Variants in ANKRD52 observed in about 807,000 individuals in gnomAD.
The protein encoded by ANKRD52 is serine/threonine-protein phosphatase 6 regulatory ankyrin repeat subunit C.
A neutral mutation model predicts 116.0 loss-of-function variants in ANKRD52; 7 were observed. The ratio of observed to expected loss-of-function variants is 0.06; its 90% confidence interval spans 0.03 to 0.11. ANKRD52 has a LOEUF of 0.11. ANKRD52 is among the 10% of genes least tolerant of loss of function. ANKRD52 has a pLI of 1.00. For synonymous variants in ANKRD52, 528 were observed against 578.1 expected (o/e 0.91, Z 1.24); for missense variants, 839 against 1,408.6 (o/e 0.60, Z 6.47).
Position 56,243,496 on chromosome 12 carries a change from G to A in ANKRD52, c.2981-104C>T. On this transcript the variant is annotated intron_variant, in intron 27 of 27. Coordinates refer to ENST00000267116, the MANE Select transcript of ANKRD52 (RefSeq NM_173595.4). The surrounding 1 kb of genome is among the most constrained non-coding windows in gnomAD (Gnocchi z 4.6). ...CTGTGGAGGGAGCCAAGGCAGGCAG[G>A]TACCCAGCAGCGGCAGAATCCAAGG... 6 of 1,449,560 alleles carry A rather than the reference G, an allele frequency of 4.1e-6. No individual in the cohort carries two copies. The highest frequency in any genetic ancestry group is 5.5e-6 in the Non-Finnish European group (6 of 1,084,338). 89.8% of individuals were successfully genotyped at this position (1,449,560 alleles called of 1,614,324 possible).
At position 56,239,242 on chromosome 12, in the gene ANKRD52, C is replaced by G. The variant is rs977665767; in HGVS notation, c.*3900G>C. On this transcript the variant is annotated 3_prime_UTR_variant, in exon 28 of 28. Coordinates refer to ENST00000267116, the MANE Select transcript of ANKRD52 (RefSeq NM_173595.4). Reference sequence around the variant, plus strand: ...GGGAGCCCCCAAGGCAGACCCTTCCCTCTCTACCTCCCGATTCCCAGACCA... The same window carrying G: ...GGGAGCCCCCAAGGCAGACCCTTCCGTCTCTACCTCCCGATTCCCAGACCA... 1 of 152,332 alleles carries G rather than the reference C, an allele frequency of 6.6e-6. No individual in the cohort carries two copies. The highest frequency in any genetic ancestry group is 1.5e-5 in the Non-Finnish European group (1 of 68,102). 9.4% of individuals were successfully genotyped at this position (152,332 alleles called of 1,614,324 possible).
intron 20 of ANKRD52, 50 bp from the exon 21 acceptor site, chr12:56,245,646 A>G: frequency 6.4e-7 from 1 of 1,557,482 alleles, no homozygotes; most frequent in Non-Finnish European, 8.7e-7. Context: ...CTCCTTTTCC[A>G]CTGGCCTGTT....
In ANKRD52 at chr12:56,255,749, A is replaced by G; in HGVS notation, c.462+35T>C. Reference sequence around the variant, plus strand: ...TGAGTAGGAAGGTAAGAAAAGGGAAAGCCCCAGCTGGGCCTGGATGGGAAC... The same window carrying G: ...TGAGTAGGAAGGTAAGAAAAGGGAAGGCCCCAGCTGGGCCTGGATGGGAAC... On this transcript the variant is annotated intron_variant, in intron 5 of 27. Transcript: ENST00000267116. The surrounding 1 kb of genome is among the most constrained non-coding windows in gnomAD (Gnocchi z 4.3). 1.3e-6 allele frequency: 2 copies of G among 1,523,640 alleles called. No individual in the cohort carries two copies. The highest frequency in any genetic ancestry group is 1.4e-5 in the African/African-American group (1 of 72,994). The allele number at this position is 1,523,640 out of a possible 1,614,324, so 94.4% of individuals were successfully genotyped here.
At position 56,257,860 on chromosome 12, in the gene ANKRD52, G is replaced by A; in HGVS notation, c.79C>T (p.Leu27=). 1 of 1,613,828 alleles carries A rather than the reference G, an allele frequency of 6.2e-7. No individual in the cohort carries two copies. The highest frequency in any genetic ancestry group is 8.5e-7 in the Non-Finnish European group (1 of 1,179,838). The change falls in exon 2 of 28, where the codon CTA becomes TTA. Residue 27 remains leucine (L), a synonymous_variant. Transcript: ENST00000267116. The part of the protein sequence containing the change: ...FSRDVEEVRS[L]LSQKENINVL... ...TTGATGTTCTCCTTCTGCGAGAGTA[G>A]GGAACGCACTTCCTCCACATCTCGG...
chr12:56,244,161 CT>C lies in ANKRD52; in HGVS notation c.2806-29del. Reference sequence around the variant, plus strand: ...GAGGGAGGGGAACAGAGAGTGGAGACTTGTGAAGTAGAAATGTGGCAGGGTG... The same window carrying C: ...GAGGGAGGGGAACAGAGAGTGGAGACTGTGAAGTAGAAATGTGGCAGGGTG... On this transcript the variant is annotated intron_variant, in intron 25 of 27. Coordinates refer to ENST00000267116, the MANE Select transcript of ANKRD52 (RefSeq NM_173595.4). This position sits in a 1 kb window ranked among gnomAD's most constrained non-coding sequence, Gnocchi z 4.9. The C allele has an allele frequency of 1.2e-6, 2 of 1,611,590 alleles. No individual in the cohort carries two copies. Among genetic ancestry groups the C allele is most frequent in the South Asian group, 2.2e-5 (2 of 91,026 alleles).
In ANKRD52 at chr12:56,244,502, C is replaced by T. The variant is rs1486109801; in HGVS notation, c.2723-67G>A. On this transcript the variant is annotated intron_variant, in intron 24 of 27. Coordinates refer to ENST00000267116, the MANE Select transcript of ANKRD52 (RefSeq NM_173595.4). This position sits in a 1 kb window ranked among gnomAD's most constrained non-coding sequence, Gnocchi z 4.9. ...GAGCAGTAGCCATCCTGGCTCTCCA[C>T]TTTGCATCCCGTCTGCAGATGGCGA... is the stretch of plus-strand genomic sequence containing the variant. 2 of 1,599,230 alleles carry T rather than the reference C, an allele frequency of 1.3e-6. No homozygotes were observed. Among genetic ancestry groups the T allele is most frequent in the Non-Finnish European group, 1.7e-6 (2 of 1,169,284 alleles).
In ANKRD52 at chr12:56,244,059, C is replaced by A; in HGVS notation, c.2880G>T (p.Ala960=). ...CTTCCCCAGGCACTCACATCTGCAG[C>A]GCACTGTTGGTAGCATTGATAAGGC... ...DLGLINATNS[A]LQMPLHIAAR... The change falls in exon 26 of 28, where the codon GCG becomes GCT. Residue 960 remains alanine, a synonymous_variant. Transcript: ENST00000267116. The surrounding 1 kb of genome is among the most constrained non-coding windows in gnomAD (Gnocchi z 4.9). The A allele has an allele frequency of 6.2e-7, 1 of 1,613,862 alleles. No homozygotes were observed. Among genetic ancestry groups the A allele is most frequent in the Non-Finnish European group, 8.5e-7 (1 of 1,179,866 alleles).
Position 56,252,518 on chromosome 12 carries a change from T to C in ANKRD52, c.1354A>G (p.Arg452Gly), listed in dbSNP as rs1465968840. Residue 452 changes from arginine (R) to glycine (G), a missense_variant, in exon 13 of 28, where the codon AGG (arginine) becomes GGG (glycine). Arg to Gly is a moderately radical substitution (Grantham distance 125). This residue lies in a region of ANKRD52 where 287 missense variants were observed against 598.1 expected (regional missense o/e 0.48). Transcript: ENST00000267116. The surrounding 1 kb of genome is among the most constrained non-coding windows in gnomAD (Gnocchi z 4.7). ...TTAGCATACCTGCCAAATTTGTCCC[T>C]CCTCCTCAAGTCAGCTCCACTGCTC... ...LLSSGADLRR[R>G]DKFGRTPLHY... 3 of 1,613,860 alleles carry C rather than the reference T, an allele frequency of 1.9e-6. No homozygotes were observed. In the Admixed American group the frequency reaches 5.0e-5, roughly 27 times the overall value.
At chr12:56,250,332 C>T (rs1871627724) in intron 15 of ANKRD52, among the ~76,000 whole-genome samples, 1 of 150,756 alleles carries the variant, frequency 6.6e-6, no homozygotes. Context: ...GCTGGAATTA[C>T]AGGCATGAGT....
intron 15 of ANKRD52, 92 bp downstream of exon 15, chr12:56,251,923 G>A: frequency 7.2e-7 from 1 of 1,385,368 alleles, no homozygotes; most frequent in Admixed American, 1.8e-5. Context: ...CAGCAGTATA[G>A]GGTAGAGGTT....
At position 56,243,420 on chromosome 12, in the gene ANKRD52, C is replaced by T. The variant is rs769932003; in HGVS notation, c.2981-28G>A. 26 of 1,609,020 alleles carry T rather than the reference C, an allele frequency of 1.6e-5. No homozygotes were observed. The highest frequency in any genetic ancestry group is 1.5e-5 in the Non-Finnish European group (18 of 1,177,414). Reference sequence around the variant, plus strand: ...GCAGGGCCAAGGGGGAGAACTGAGGCATAGAGTCCTGTATCCTAGCCAGCC... The same window carrying T: ...GCAGGGCCAAGGGGGAGAACTGAGGTATAGAGTCCTGTATCCTAGCCAGCC... On this transcript the variant is annotated intron_variant, in intron 27 of 27. Transcript: ENST00000267116. This position sits in a 1 kb window ranked among gnomAD's most constrained non-coding sequence, Gnocchi z 4.6.
Position 56,245,138 on chromosome 12 carries a change from C to T in ANKRD52, c.2457G>A (p.Leu819=). The T allele has an allele frequency of 5.0e-6, 8 of 1,613,978 alleles. No individual in the cohort carries two copies. Among genetic ancestry groups the T allele is most frequent in the Non-Finnish European group, 6.8e-6 (8 of 1,179,896 alleles). The change falls in exon 22 of 28, where the codon CTG becomes CTA. Residue 819 remains leucine, a synonymous_variant. Coordinates refer to ENST00000267116, the MANE Select transcript of ANKRD52 (RefSeq NM_173595.4). The stretch of plus-strand genomic sequence containing the variant: ...GCAAAGGAGTGAAGGGGTTTCCTTC[C>T]AGGTACGAAAACGGGCTGTGTTCAA... The part of the protein sequence containing the change: ...LLLEHSPFSY[L]EGNPFTPLHC...
chr12:56,253,212 C>A lies in ANKRD52; in HGVS notation c.1100+76G>T. The A allele has an allele frequency of 6.6e-7, 1 of 1,505,956 alleles. No homozygotes were observed. The highest frequency in any genetic ancestry group is 1.4e-5 in the African/African-American group (1 of 72,632). 93.3% of individuals were successfully genotyped at this position (1,505,956 alleles called of 1,614,324 possible). The stretch of plus-strand genomic sequence containing the variant: ...CCAAGGTGCCCTTTGGCAAGCTTAT[C>A]TGTGCCTCCATGGTTGATGTGAGCA... On this transcript the variant is annotated intron_variant, in intron 10 of 27. Coordinates refer to ENST00000267116, the MANE Select transcript of ANKRD52 (RefSeq NM_173595.4). This position sits in a 1 kb window ranked among gnomAD's most constrained non-coding sequence, Gnocchi z 5.5.
In ANKRD52 at chr12:56,240,415, T is replaced by C. The variant is rs938279854; in HGVS notation, c.*2727A>G. On this transcript the variant is annotated 3_prime_UTR_variant, in exon 28 of 28. Transcript: ENST00000267116. The surrounding 1 kb of genome is among the most constrained non-coding windows in gnomAD (Gnocchi z 4.2). ...CTGCTCCCAGGGTCCTCGCTTAAAA[T>C]AGGCCTTTTCACAAAAGTGCTTATT... 1.3e-5 allele frequency: 2 copies of C among 152,050 alleles called. No homozygotes were observed. The highest frequency in any genetic ancestry group is 1.3e-4 in the Admixed American group (2 of 15,262). The allele number at this position is 152,050 out of a possible 1,614,324, so 9.4% of individuals were successfully genotyped here. A position where few individuals can be genotyped will look rare whatever the true frequency, so the allele number is the denominator to read the frequency against.
In ANKRD52 at chr12:56,248,201, G is replaced by A. The variant is rs1871511056; in HGVS notation, c.1800C>T (p.Ala600=). 6.2e-7 allele frequency: 1 copy of A among 1,613,864 alleles called. No individual in the cohort carries two copies. The highest frequency in any genetic ancestry group is 1.3e-5 in the African/African-American group (1 of 75,056). ...CCAGCGTCTCCGCCAGCGTCTTCAAGGCTTCACAGTGACCGTTGTAGGCCT... is the reference window on the plus strand; with the variant it reads ...CCAGCGTCTCCGCCAGCGTCTTCAAAGCTTCACAGTGACCGTTGTAGGCCT... ...HLAAYNGHCE[A]LKTLAETLVN... The change falls in exon 18 of 28, where the codon GCC becomes GCT. Residue 600 remains alanine, a synonymous_variant. Transcript: ENST00000267116. The surrounding 1 kb of genome is among the most constrained non-coding windows in gnomAD (Gnocchi z 5.1).
In ANKRD52 at chr12:56,248,563, A is replaced by C. The variant is rs769045314; in HGVS notation, c.1708T>G (p.Leu570Val). Reference protein sequence around the residue: ...YGNRQNLELLLEMSFNCLEDV... With the variant: ...YGNRQNLELLVEMSFNCLEDV... ...TCCAGGCAGTTAAAGGACATTTCTA[A>C]GAGCTGCAAAGGACAGGAAAGTAGG... The change falls in exon 17 of 28, where the codon TTA becomes GTA. Residue 570 changes from leucine to valine, a missense_variant. Leu to Val is a conservative substitution (Grantham distance 32). This residue lies in a region of ANKRD52 where 552 missense variants were observed against 810.6 expected (regional missense o/e 0.68). Coordinates refer to ENST00000267116, the MANE Select transcript of ANKRD52 (RefSeq NM_173595.4). This position sits in a 1 kb window ranked among gnomAD's most constrained non-coding sequence, Gnocchi z 5.1. The C allele has an allele frequency of 6.3e-6, 10 of 1,588,622 alleles. No individual in the cohort carries two copies. In the South Asian group the frequency reaches 1.2e-4, roughly 18 times the overall value.
Position 56,248,595 on chromosome 12 carries a change from G to A in ANKRD52, c.1705-29C>T. 6.4e-7 allele frequency: 1 copy of A among 1,566,940 alleles called. No homozygotes were observed. The highest frequency in any genetic ancestry group is 8.7e-7 in the Non-Finnish European group (1 of 1,154,200). On this transcript the variant is annotated intron_variant, in intron 16 of 27. Coordinates refer to ENST00000267116, the MANE Select transcript of ANKRD52 (RefSeq NM_173595.4). This position sits in a 1 kb window ranked among gnomAD's most constrained non-coding sequence, Gnocchi z 5.1. ...CAAAGGACAGGAAAGTAGGTGCTGA[G>A]ACTCTGGAACTCCCAAGATAGTACC...
intron 1 of ANKRD52, 50 bp from the exon 2 acceptor site, chr12:56,257,961 C>T (rs755985848): frequency 6.2e-6 from 2 of 323,542 alleles, no homozygotes; most frequent in South Asian, 5.5e-5. Flanking sequence ...GGAGCGGAAC[C>T]GGTGTGGGGG....
chr12:56,238,728 GC>G lies in ANKRD52; in HGVS notation c.*4413del. 1 of 152,370 alleles carries G rather than the reference GC, an allele frequency of 6.6e-6. No individual in the cohort carries two copies. The highest frequency in any genetic ancestry group is 2.1e-4 in the South Asian group (1 of 4,814). 9.4% of individuals were successfully genotyped at this position (152,370 alleles called of 1,614,324 possible). On this transcript the variant is annotated 3_prime_UTR_variant, in exon 28 of 28. Transcript: ENST00000267116. ...CCAAACCCCTGCCAAACCCACTCAAGCCAGAACCCACCCCCACCCCCCAAAC... is the reference window on the plus strand; with the variant it reads ...CCAAACCCCTGCCAAACCCACTCAAGCAGAACCCACCCCCACCCCCCAAAC...
Sources: gnomAD v4.1 joint callset for allele counts (sites outside exome capture counted in the v4.1 genomes callset) on GRCh38, gnomAD v4.1.1 for gene constraint, gnomAD v4.1.1 regional missense constraint, Gnocchi (gnomAD v3.1) non-coding constraint, MANE v1.5 for transcripts, NCBI Gene and HGNC (gene_info 2026-07-23, HGNC 2026-07-21) for gene names.